CAMK1D: variants seen among roughly 807,000 people sequenced by gnomAD.
The protein encoded by CAMK1D is calcium/calmodulin dependent protein kinase ID.
Under a neutral mutation model 47.7 loss-of-function variants are expected in CAMK1D, and 9 were observed. The ratio of observed to expected loss-of-function variants is 0.19; its 90% CI spans 0.11 to 0.33. The LOEUF (loss-of-function observed/expected upper bound fraction) is 0.33, where lower values mean the gene tolerates loss of function less well. CAMK1D is among the 10% of genes least tolerant of loss of function. CAMK1D has a pLI of 1.00. For synonymous variants in CAMK1D, 184 were observed against 184.9 expected (o/e 0.99, Z 0.04); for missense variants, 291 against 488.7 (o/e 0.60, Z 3.81).
In CAMK1D at chr10:12,515,644, C is replaced by G. The variant is rs1222223005; in HGVS notation, c.93-37581C>G. Among the ~76,000 whole-genome samples the G allele has an allele frequency of 2.2e-5, 3 of 136,622 alleles. No individual in the cohort carries two copies. The Admixed American group carries it at 2.5e-4, about 11-fold the overall frequency. The allele number at this position is 136,622 out of a possible 152,430, so 89.6% of individuals were successfully genotyped here. On this transcript the variant is annotated intron_variant, in intron 1 of 10. Transcript: ENST00000619168. Reference sequence around the variant, plus strand: ...TTTTTTTTTGAGACAGAGTCTCGCTCTTTTTCTCAGGCCGGAGTGCAGTGG... The same window carrying G: ...TTTTTTTTTGAGACAGAGTCTCGCTGTTTTTCTCAGGCCGGAGTGCAGTGG...
intron 3 of CAMK1D, among the ~76,000 whole-genome samples, chr10:12,739,748 T>C (rs1835347690): frequency 6.6e-6 from 1 of 152,192 alleles, no homozygotes; most frequent in Non-Finnish European, 1.5e-5. Flanking sequence ...GAGCATGTAC[T>C]ACTTGTAATC....
At chr10:12,373,566 A>G (rs1838070982) in intron 1 of CAMK1D, among the ~76,000 whole-genome samples, 2 of 151,926 alleles carry the variant, frequency 1.3e-5, no homozygotes, top group South Asian at 4.1e-4. Flanking sequence ...TGGGAGGTGG[A>G]GGTTGCAGTG....
intron 1 of CAMK1D, among the ~76,000 whole-genome samples, chr10:12,373,812 C>T (rs61847394): frequency 0.027 from 4,176 of 151,896 alleles, 79 homozygotes; most frequent in Non-Finnish European, 0.041. Context: ...CGGTGGCTCA[C>T]GCCTGTAATC....
intron 1 of CAMK1D, among the ~76,000 whole-genome samples, chr10:12,483,089 T>C (rs2132103065): frequency 6.6e-6 from 1 of 152,362 alleles, no homozygotes. Flanking sequence ...GCTTCCTCCC[T>C]GCCCTGCATT....
intron 6 of CAMK1D, among the ~76,000 whole-genome samples, chr10:12,810,346 C>G (rs1019341389): frequency 1.4e-5 from 2 of 147,788 alleles, no homozygotes; most frequent in African/African-American, 5.0e-5. Flanking sequence ...GTGATCTCAG[C>G]TCACTGCAAC....
chr10:12,427,460 G>A (rs945148713), intron 1 of CAMK1D, among the ~76,000 whole-genome samples: 1 of 152,050 alleles, frequency 6.6e-6, no homozygotes, highest in Non-Finnish European at 1.5e-5. Context: ...CCCATCAGCC[G>A]GCCCCCAAGC....
chr10:12,641,998 C>G (rs938239990), intron 2 of CAMK1D, among the ~76,000 whole-genome samples: 8 of 150,416 alleles, frequency 5.3e-5, no homozygotes, highest in South Asian at 2.1e-4. Flanking sequence ...GAGCCAAGAT[C>G]ACGCTACTGC....
chr10:12,711,841 G>A (rs1023957262), intron 3 of CAMK1D, among the ~76,000 whole-genome samples: 3 of 152,116 alleles, frequency 2.0e-5, no homozygotes, highest in Non-Finnish European at 2.9e-5. Context: ...TCAAACGTTC[G>A]TTTTTCAATA....
chr10:12,471,359 T>TG (rs1833741384), intron 1 of CAMK1D, among the ~76,000 whole-genome samples: 1 of 152,250 alleles, frequency 6.6e-6, no homozygotes, highest in African/African-American at 2.4e-5. Context: ...GCTGTCTGTG[T>TG]TGACCGCTGA....
intron 1 of CAMK1D, among the ~76,000 whole-genome samples, chr10:12,512,535 C>T (rs1001014534): frequency 5.9e-5 from 9 of 152,182 alleles, no homozygotes; most frequent in East Asian, 1.9e-4. Flanking sequence ...TTGGGAGACT[C>T]GGAGCTCATT....
intron 1 of CAMK1D, among the ~76,000 whole-genome samples, chr10:12,361,631 C>T (rs781158670): frequency 6.8e-5 from 10 of 146,270 alleles, no homozygotes; most frequent in Admixed American, 2.9e-4. Flanking sequence ...TCTCTGCTCA[C>T]GGAAACCTCT....
intron 3 of CAMK1D, among the ~76,000 whole-genome samples, chr10:12,751,071 GATAAGAT>G (rs1835933261): frequency 2.8e-4 from 7 of 25,150 alleles, no homozygotes; most frequent in Middle Eastern, 0.022. Flanking sequence ...GATAAGATAA[GATAAGAT>G]AAGATAAGAT....
At chr10:12,393,092 T>C (rs911704267) in intron 1 of CAMK1D, among the ~76,000 whole-genome samples, 19 of 151,468 alleles carry the variant, frequency 1.3e-4, no homozygotes, top group Admixed American at 2.6e-4. Context: ...AGTGCAGTGG[T>C]GCAATCTCTG....
chr10:12,374,036 G>T (rs1056530021), intron 1 of CAMK1D, among the ~76,000 whole-genome samples: 1 of 150,050 alleles, frequency 6.7e-6, no homozygotes, highest in Non-Finnish European at 1.5e-5. Flanking sequence ...GAGGTGGGCA[G>T]ATCACTTGAG....
At chr10:12,421,902 C>T (rs923287918) in intron 1 of CAMK1D, among the ~76,000 whole-genome samples, 6 of 145,622 alleles carry the variant, frequency 4.1e-5, no homozygotes, top group Non-Finnish European at 3.0e-5. Flanking sequence ...CTGCAGCCTT[C>T]GCCTCCTGGG....
chr10:12,366,521 TG>T (rs1837839729), intron 1 of CAMK1D, among the ~76,000 whole-genome samples: 1 of 151,622 alleles, frequency 6.6e-6, no homozygotes, highest in Non-Finnish European at 1.5e-5. Flanking sequence ...TAGCCAGGCC[TG>T]GTAGCGCATG....
intron 2 of CAMK1D, among the ~76,000 whole-genome samples, chr10:12,572,804 A>T (rs780687855): frequency 8.6e-5 from 13 of 151,938 alleles, no homozygotes; most frequent in Middle Eastern, 3.2e-3. Context: ...TAATTTTAAA[A>T]TTTTTTTGTA....
At chr10:12,401,223 TA>T (rs1839194406) in intron 1 of CAMK1D, among the ~76,000 whole-genome samples, 1 of 41,840 alleles carries the variant, frequency 2.4e-5, no homozygotes, top group African/African-American at 1.1e-4. Context: ...GTATTATATA[TA>T]TTATATATAT....
intron 2 of CAMK1D, among the ~76,000 whole-genome samples, chr10:12,636,626 C>A (rs1485614032): frequency 6.6e-6 from 1 of 152,008 alleles, no homozygotes; most frequent in Non-Finnish European, 1.5e-5. Flanking sequence ...CTGTGCCTGG[C>A]CTTATATGCA....
Sources: gnomAD v4.1 joint callset for allele counts (sites outside exome capture counted in the v4.1 genomes callset) on GRCh38, gnomAD v4.1.1 for gene constraint, MANE v1.5 for transcripts, NCBI Gene and HGNC (gene_info 2026-07-23, HGNC 2026-07-21) for gene names.